Variants in WDFY3 observed in about 807,000 individuals in gnomAD.
WDFY3 encodes the protein WD repeat and FYVE domain-containing protein 3.
In WDFY3, 66 loss-of-function variants were observed where a neutral mutation model predicts 409.6. The observed-to-expected ratio is 0.16, with a 90% CI of 0.13 to 0.20. The LOEUF is 0.20. WDFY3 is among the 10% of genes least tolerant of loss of function. WDFY3 has a pLI of 1.00. For synonymous variants in WDFY3, 1,521 were observed against 1,537.1 expected (o/e 0.99, Z 0.25); for missense variants, 3,031 against 4,298.1 (o/e 0.71, Z 8.24).
chr4:84,773,882 G>A (rs1169258056), intron 29 of WDFY3, among the ~76,000 whole-genome samples: 1 of 152,022 alleles, frequency 6.6e-6, no homozygotes, highest in Admixed American at 6.6e-5. Flanking sequence ...CACCATGCCT[G>A]GCTAATTGTT....
intron 15 of WDFY3, among the ~76,000 whole-genome samples, chr4:84,804,491 A>G (rs996917366): frequency 6.6e-6 from 1 of 152,184 alleles, no homozygotes; most frequent in Non-Finnish European, 1.5e-5. Context: ...GTTCCGCTTT[A>G]CTTATAAAAA....
intron 1 of WDFY3, among the ~76,000 whole-genome samples, chr4:84,944,043 C>T (rs1772483071): frequency 6.6e-6 from 1 of 152,160 alleles, no homozygotes; most frequent in African/African-American, 2.4e-5. Context: ...CAAAGAAATT[C>T]AACTTAAGTA....
At chr4:84,893,158 G>A (rs1228874306) in intron 3 of WDFY3, among the ~76,000 whole-genome samples, 1 of 152,164 alleles carries the variant, frequency 6.6e-6, no homozygotes, top group Non-Finnish European at 1.5e-5. Context: ...TCCATCAACT[G>A]AGACCAAGGA....
intron 56 of WDFY3, among the ~76,000 whole-genome samples, chr4:84,699,960 C>T (rs1730814790): frequency 6.6e-6 from 1 of 150,978 alleles, no homozygotes; most frequent in Admixed American, 6.6e-5. Flanking sequence ...ATACTAGATC[C>T]TTATTAGATA....
At chr4:84,880,216 G>A (rs1763304751) in intron 3 of WDFY3, among the ~76,000 whole-genome samples, 1 of 152,114 alleles carries the variant, frequency 6.6e-6, no homozygotes, top group Non-Finnish European at 1.5e-5. Context: ...GCAAGGAACA[G>A]ATTCTCCCCT....
At chr4:84,887,152 C>T (rs559429322) in intron 3 of WDFY3, among the ~76,000 whole-genome samples, 1 of 152,148 alleles carries the variant, frequency 6.6e-6, no homozygotes, top group East Asian at 1.9e-4. Context: ...AGTTTAGAAA[C>T]TGAGTGGTAG....
chr4:84,925,590 T>C (rs1009379489), intron 2 of WDFY3, among the ~76,000 whole-genome samples: 1 of 152,212 alleles, frequency 6.6e-6, no homozygotes, highest in East Asian at 1.9e-4. Flanking sequence ...ATGTGGACCT[T>C]AACTAGATTG....
chr4:84,831,458 T>C lies in WDFY3; in HGVS notation c.724A>G (p.Ile242Val), dbSNP rs1755726927. The stretch of plus-strand genomic sequence containing the variant: ...TTGACACTAAGACCATGACGAGATA[T>C]GGTCATGAGGACTTCTCCAGCACTC... ...RKSAGEVLMT[I>V]SRHGLSVNVV... is the part of the protein sequence containing the mutation. The change falls in exon 8 of 68, where the codon ATA (isoleucine) becomes GTA (valine). Residue 242 changes from isoleucine (I) to valine (V), a missense_variant. By Grantham distance (29) the Ile-to-Val change is conservative (BLOSUM62 3). Around this residue, in one of 16 missense-constraint regions of WDFY3, gnomAD observed 1,322 missense variants for 1,697.9 expected, o/e 0.78. Transcript: ENST00000295888. 1 of 1,613,784 alleles carries C rather than the reference T, an allele frequency of 6.2e-7. No homozygotes were observed. Among genetic ancestry groups the C allele is most frequent in the Non-Finnish European group, 8.5e-7 (1 of 1,179,818 alleles).
At chr4:84,954,259 A>T (rs2151144449) in intron 1 of WDFY3, among the ~76,000 whole-genome samples, 1 of 152,300 alleles carries the variant, frequency 6.6e-6, no homozygotes, top group Admixed American at 6.5e-5. Flanking sequence ...TTTAGTCCCT[A>T]CTCATTACAC....
rs554080881 is a variant in WDFY3 at position 84,678,265 on chromosome 4, G to A, written c.10162C>T (p.Arg3388Trp). 2.2e-5 allele frequency: 36 copies of A among 1,613,698 alleles called. No homozygotes were observed. The highest frequency in any genetic ancestry group is 1.2e-4 in the Admixed American group (7 of 59,992). Residue 3388 changes from arginine (R) to tryptophan (W), a missense_variant, in exon 66 of 68, where the codon CGG becomes TGG. Transcript: ENST00000295888. ...AGCTTACTCCTGAACACCAGCTGCC[G>A]TTCCCATCGGTACCCTGGAATGGAG... ...SRLKPGYRWE[R>W]QLVFRSKLTM...
chr4:84,801,616 A>AT (rs769757986), intron 17 of WDFY3, 34 bp downstream of exon 17: 3 of 1,570,706 alleles, frequency 1.9e-6, no homozygotes, highest in Non-Finnish European at 2.6e-6. Flanking sequence ...GACATTACTA[A>AT]TTGTGGACTA....
chr4:84,957,267 AAAAAAAAAC>A (rs1774354088), intron 1 of WDFY3, among the ~76,000 whole-genome samples: 1 of 151,680 alleles, frequency 6.6e-6, no homozygotes, highest in African/African-American at 2.4e-5. Flanking sequence ...CCAAAAAAAA[AAAAAAAAAC>A]AAAACTACAA....
chr4:84,692,303 T>C (rs1450265349), intron 59 of WDFY3, among the ~76,000 whole-genome samples: 1 of 152,110 alleles, frequency 6.6e-6, no homozygotes, highest in Non-Finnish European at 1.5e-5. Context: ...GTCTGTGTAA[T>C]GAGGACAAAT....
At chr4:84,790,315 C>T (rs1748296320) in intron 21 of WDFY3, among the ~76,000 whole-genome samples, 1 of 152,064 alleles carries the variant, frequency 6.6e-6, no homozygotes, top group Non-Finnish European at 1.5e-5. Context: ...TACCACTGTA[C>T]TCCAGCCTGG....
intron 4 of WDFY3, among the ~76,000 whole-genome samples, chr4:84,852,020 T>TG (rs1299404180): frequency 3.3e-5 from 5 of 152,242 alleles, no homozygotes; most frequent in Non-Finnish European, 5.9e-5. Context: ...ACACAGTTTT[T>TG]GGTCTTTCCT....
chr4:84,742,879 C>T (rs1488223207), intron 37 of WDFY3, among the ~76,000 whole-genome samples: 1 of 152,128 alleles, frequency 6.6e-6, no homozygotes, highest in Non-Finnish European at 1.5e-5. Context: ...TCTGGAGGTG[C>T]CACAGAATTT....
At chr4:84,705,617 G>T in intron 53 of WDFY3, 106 bp from the exon 54 acceptor site, 1 of 879,446 alleles carries the variant, frequency 1.1e-6, no homozygotes, top group Non-Finnish European at 1.9e-6. Flanking sequence ...AAACGCACTA[G>T]TATCTGTGGG....
At chr4:84,861,230 C>T (rs1014306778) in intron 3 of WDFY3, among the ~76,000 whole-genome samples, 4 of 151,816 alleles carry the variant, frequency 2.6e-5, no homozygotes, top group Non-Finnish European at 5.9e-5. Context: ...AAAATAAAAA[C>T]ATAAAGAGAA....
intron 2 of WDFY3, among the ~76,000 whole-genome samples, chr4:84,913,383 G>A (rs890877768): frequency 6.6e-6 from 1 of 152,156 alleles, no homozygotes; most frequent in African/African-American, 2.4e-5. Context: ...TGTTGTGCAC[G>A]ATTTCGTAAG....
Sources: allele counts gnomAD v4.1 joint callset (sites outside exome capture counted in the v4.1 genomes callset), GRCh38; gene constraint gnomAD v4.1.1; regional missense constraint gnomAD v4.1.1; transcripts MANE v1.5; gene names NCBI Gene and HGNC (gene_info 2026-07-23, HGNC 2026-07-21).